Variants in DRD2 observed in about 807,000 individuals in gnomAD.
DRD2 encodes the protein dopamine receptor D2.
In DRD2, 8 loss-of-function variants were observed where a neutral mutation model predicts 38.0. That is an observed-to-expected ratio of 0.21 (90% CI 0.12 to 0.38). The LOEUF is 0.38. DRD2 is among the 10% of genes least tolerant of loss of function. The pLI, the probability that DRD2 is intolerant of heterozygous loss-of-function variation, is 1.00. For missense variants in DRD2, 403 were observed against 607.7 expected (o/e 0.66, Z 3.54); for synonymous variants, 230 against 238.6 (o/e 0.96, Z 0.33).
intron 1 of DRD2, among the ~76,000 whole-genome samples, chr11:113,450,491 T>A (rs538874954): frequency 6.6e-6 from 1 of 152,180 alleles, no homozygotes; most frequent in South Asian, 2.1e-4. Context: ...CCTCAAAGGC[T>A]CCTCTCCCAA....
At chr11:113,415,218 C>A (rs1332882860) in intron 5 of DRD2, 6 of 504,976 alleles carry the variant, frequency 1.2e-5, no homozygotes, top group Non-Finnish European at 6.7e-6. Context: ...TGTCATGGAC[C>A]CTGCCTCCCT....
intron 2 of DRD2, among the ~76,000 whole-genome samples, chr11:113,420,179 C>G (rs1307148047): frequency 6.6e-6 from 1 of 152,194 alleles, no homozygotes; most frequent in East Asian, 1.9e-4. Flanking sequence ...GATATCAGGG[C>G]CTTCCTCCCT....
chr11:113,418,142 G>T lies in DRD2; in HGVS notation c.286-6C>A. On this transcript the variant is annotated splice_region_variant and splice_polypyrimidine_tract_variant and intron_variant, in intron 2 of 7. Transcript: ENST00000362072. ...AATTTCCACTCACCTACCACCTGGG[G>T]ACAAAGCAACATAATGGATGGACAG... 1 of 1,611,516 alleles carries T rather than the reference G, an allele frequency of 6.2e-7. No individual in the cohort carries two copies. The highest frequency in any genetic ancestry group is 1.1e-5 in the South Asian group (1 of 91,020).
intron 1 of DRD2, among the ~76,000 whole-genome samples, chr11:113,429,544 C>G (rs1379031385): frequency 1.3e-5 from 2 of 152,100 alleles, no homozygotes; most frequent in Admixed American, 1.3e-4. Context: ...CGCACCCGGC[C>G]AGTACAGGGC....
In DRD2 at chr11:113,475,303, C is replaced by T. The variant is rs1031067522; in HGVS notation, c.-259G>A. The stretch of plus-strand genomic sequence containing the variant: ...GTGGACGGGCCGCGGCGGGGCGGGG[C>T]GGGGCGGGGCCGGGCGCGGGGCGGG... On this transcript the variant is annotated 5_prime_UTR_variant, in exon 1 of 8. Coordinates refer to ENST00000362072, the MANE Select transcript of DRD2 (RefSeq NM_000795.4). The T allele has an allele frequency of 6.1e-5, 9 of 147,642 alleles. No homozygotes were observed. In the South Asian group the frequency reaches 1.3e-3, roughly 21 times the overall value. 9.1% of individuals were successfully genotyped at this position (147,642 alleles called of 1,614,324 possible).
chr11:113,452,214 G>A (rs1485241937), intron 1 of DRD2, among the ~76,000 whole-genome samples: 1 of 152,180 alleles, frequency 6.6e-6, no homozygotes, highest in East Asian at 1.9e-4. Context: ...TTGAGAGCAT[G>A]ACAACCTCTC....
intron 1 of DRD2, among the ~76,000 whole-genome samples, chr11:113,436,092 G>A (rs571052241): frequency 6.6e-6 from 1 of 152,242 alleles, no homozygotes; most frequent in East Asian, 1.9e-4. Flanking sequence ...CTGACACCGG[G>A]GACCTTTCTT....
chr11:113,457,927 G>A (rs1396996624), intron 1 of DRD2, among the ~76,000 whole-genome samples: 1 of 152,256 alleles, frequency 6.6e-6, no homozygotes, highest in Non-Finnish European at 1.5e-5. Flanking sequence ...TGTTCCAAGG[G>A]CTGTTCCCCA....
chr11:113,422,761 C>T (rs767344486), intron 2 of DRD2, among the ~76,000 whole-genome samples: 74 of 152,134 alleles, frequency 4.9e-4, no homozygotes, highest in Non-Finnish European at 9.3e-4. Context: ...AGTAAGCGCA[C>T]GAGCCCCTTG....
Position 113,424,692 on chromosome 11 carries a change from A to G in DRD2, c.-31-10T>C. ...ACTGGGTGGCCAGGCTCTGGCCAGG[A>G]AAAATGGACACAAGGTGTCAGTGAG... On this transcript the variant is annotated splice_polypyrimidine_tract_variant and intron_variant, in intron 1 of 7. Transcript: ENST00000362072. 6.2e-7 allele frequency: 1 copy of G among 1,612,568 alleles called. No individual in the cohort carries two copies. Among genetic ancestry groups the G allele is most frequent in the Non-Finnish European group, 8.5e-7 (1 of 1,179,886 alleles).
At chr11:113,434,078 C>T (rs958474896) in intron 1 of DRD2, among the ~76,000 whole-genome samples, 1 of 152,136 alleles carries the variant, frequency 6.6e-6, no homozygotes, top group Admixed American at 6.5e-5. Context: ...CTTTCCAGCC[C>T]CTTCTCCAAG....
chr11:113,416,962 G>C lies in DRD2; in HGVS notation c.433C>G (p.Arg145Gly). 1 of 1,614,134 alleles carries C rather than the reference G, an allele frequency of 6.2e-7. No homozygotes were observed. The highest frequency in any genetic ancestry group is 8.5e-7 in the Non-Finnish European group (1 of 1,180,008). The change falls in exon 4 of 8, where the codon CGC (arginine) becomes GGC (glycine). Residue 145 changes from arginine (R) to glycine (G), a missense_variant. By Grantham distance (125) the Arg-to-Gly change is moderately radical (BLOSUM62 -2). This residue lies in a region of DRD2 where 162 missense variants were observed against 254.5 expected (regional missense o/e 0.64). Transcript: ENST00000362072. Reference sequence around the variant, plus strand: ...GTGACCCGGCGCTTGGAGCTGTAGCGCGTATTGTACAGCATGGGCATGGCC... The same window carrying C: ...GTGACCCGGCGCTTGGAGCTGTAGCCCGTATTGTACAGCATGGGCATGGCC... ...AVAMPMLYNT[R>G]YSSKRRVTVM...
At position 113,410,757 on chromosome 11, in the gene DRD2, G is replaced by T. The variant is rs759319706; in HGVS notation, c.1302C>A (p.Arg434=). 2.5e-6 allele frequency: 4 copies of T among 1,614,098 alleles called. No individual in the cohort carries two copies. The South Asian group carries it at 4.4e-5, about 18-fold the overall frequency. ...IIYTTFNIEF[R]KAFLKILHC ...AGTGGAGGATCTTCAGGAAGGCCTT[G>T]CGGAACTCAATGTTGAAGGTGGTGT... is the stretch of plus-strand genomic sequence containing the variant. The change falls in exon 8 of 8, where the codon CGC becomes CGA. Residue 434 remains arginine, a synonymous_variant. Coordinates refer to ENST00000362072, the MANE Select transcript of DRD2 (RefSeq NM_000795.4).
chr11:113,433,507 GA>G (rs1465538234), intron 1 of DRD2, among the ~76,000 whole-genome samples: 1 of 152,150 alleles, frequency 6.6e-6, no homozygotes, highest in Admixed American at 6.5e-5. Flanking sequence ...GAGACAGGGG[GA>G]GGCCACACAC....
intron 1 of DRD2, among the ~76,000 whole-genome samples, chr11:113,456,953 A>T (rs1951273411): frequency 6.6e-6 from 1 of 152,218 alleles, no homozygotes; most frequent in South Asian, 2.1e-4. Context: ...TGGAATTCAC[A>T]TGCACACATC....
At chr11:113,452,170 A>T (rs1295312370) in intron 1 of DRD2, among the ~76,000 whole-genome samples, 1 of 152,130 alleles carries the variant, frequency 6.6e-6, no homozygotes, top group Non-Finnish European at 1.5e-5. Context: ...GGCTGACCCC[A>T]AATCATATTG....
intron 1 of DRD2, among the ~76,000 whole-genome samples, chr11:113,427,996 AGGC>A (rs1950955229): frequency 6.6e-6 from 1 of 152,164 alleles, no homozygotes; most frequent in African/African-American, 2.4e-5. Flanking sequence ...TGCAGCAAGA[AGGC>A]GGCCATCTGC....
intron 1 of DRD2, among the ~76,000 whole-genome samples, chr11:113,442,515 T>A (rs776262951): frequency 2.0e-5 from 3 of 152,140 alleles, no homozygotes; most frequent in African/African-American, 2.4e-5. Flanking sequence ...TGGTGGCTTT[T>A]GAGCAAAGTG....
At chr11:113,444,065 T>C (rs1374640205) in intron 1 of DRD2, among the ~76,000 whole-genome samples, 1 of 152,226 alleles carries the variant, frequency 6.6e-6, no homozygotes. Context: ...TTTTTCTTTC[T>C]CACTCTGTGG....
Sources: gnomAD v4.1 joint callset for allele counts (sites outside exome capture counted in the v4.1 genomes callset) on GRCh38, gnomAD v4.1.1 for gene constraint, gnomAD v4.1.1 regional missense constraint, MANE v1.5 for transcripts, NCBI Gene and HGNC (gene_info 2026-07-23, HGNC 2026-07-21) for gene names.